Variants in GRIN2B observed in about 807,000 individuals in gnomAD.
GRIN2B encodes the protein glutamate ionotropic receptor NMDA type subunit 2B, also known as glutamate receptor ionotropic, NMDA 2B.
Under a neutral mutation model 114.5 loss-of-function variants are expected in GRIN2B, and 5 were observed. The observed-to-expected ratio is 0.04, with a 90% CI of 0.02 to 0.09. The LOEUF is 0.09. Among genes scored for constraint, GRIN2B ranks in the 10% least tolerant of loss-of-function variants. The pLI is 1.00. For missense variants in GRIN2B, 1,108 were observed against 1,943.5 expected, an observed-to-expected ratio of 0.57 and a Z score of 8.08; for synonymous variants, 787 against 745.1, an observed-to-expected ratio of 1.06 and a Z score of -0.92.
chr12:13,622,637 T>G (rs996600102), intron 5 of GRIN2B, among the ~76,000 whole-genome samples: 1 of 152,092 alleles, frequency 6.6e-6, no homozygotes, highest in African/African-American at 2.4e-5. Context: ...CCCTCACACT[T>G]CTAGAGGCTG....
intron 4 of GRIN2B, among the ~76,000 whole-genome samples, chr12:13,713,857 G>T (rs932176739): frequency 8.6e-5 from 13 of 151,942 alleles, no homozygotes; most frequent in Admixed American, 5.9e-4. Context: ...TGCCTGGCTG[G>T]AGAACAATGC....
intron 3 of GRIN2B, among the ~76,000 whole-genome samples, chr12:13,808,608 G>A (rs377277935): frequency 2.0e-5 from 3 of 151,750 alleles, no homozygotes; most frequent in African/African-American, 4.8e-5. Flanking sequence ...GTGGGGGAAG[G>A]GGGGAGGGAT....
chr12:13,894,041 A>G (rs1866312000), intron 2 of GRIN2B, among the ~76,000 whole-genome samples: 1 of 152,110 alleles, frequency 6.6e-6, no homozygotes, highest in African/African-American at 2.4e-5. Context: ...TACCTACCAA[A>G]TCATAAAGAT....
At chr12:13,890,220 A>G (rs1441877941) in intron 2 of GRIN2B, among the ~76,000 whole-genome samples, 1 of 152,164 alleles carries the variant, frequency 6.6e-6, no homozygotes, top group Non-Finnish European at 1.5e-5. Flanking sequence ...GCCACTCCTT[A>G]CAAAATCACT....
At chr12:13,911,375 CTGGAGAA>C (rs1177079604) in intron 2 of GRIN2B, among the ~76,000 whole-genome samples, 1 of 152,088 alleles carries the variant, frequency 6.6e-6, no homozygotes, top group Non-Finnish European at 1.5e-5. Flanking sequence ...ATGTGGAGGT[CTGGAGAA>C]GTAAGCAACA....
At chr12:13,976,228 T>C (rs1385697229) in intron 2 of GRIN2B, among the ~76,000 whole-genome samples, 9 of 152,228 alleles carry the variant, frequency 5.9e-5, no homozygotes, top group African/African-American at 2.2e-4. Context: ...CTTCCTCTTG[T>C]GGTTGCAAAG....
intron 5 of GRIN2B, among the ~76,000 whole-genome samples, chr12:13,637,825 CTGTCTACTT>C (rs1260091188): frequency 1.3e-5 from 2 of 152,114 alleles, no homozygotes; most frequent in African/African-American, 2.4e-5. Flanking sequence ...TCTCCCTTTA[CTGTCTACTT>C]TGTGTACCAT....
chr12:13,764,606 G>GA (rs1343739180), intron 3 of GRIN2B, among the ~76,000 whole-genome samples: 2 of 152,122 alleles, frequency 1.3e-5, no homozygotes, highest in Non-Finnish European at 2.9e-5. Flanking sequence ...ATGGAAATAA[G>GA]AAAAAATCTT....
chr12:13,596,227 CA>C (rs1369629911), intron 10 of GRIN2B, among the ~76,000 whole-genome samples: 1 of 152,068 alleles, frequency 6.6e-6, no homozygotes, highest in Non-Finnish European at 1.5e-5. Context: ...GTACCCAGTC[CA>C]AAAAAGGTGG....
chr12:13,859,258 C>A (rs1865713929), intron 3 of GRIN2B, among the ~76,000 whole-genome samples: 1 of 152,176 alleles, frequency 6.6e-6, no homozygotes, highest in African/African-American at 2.4e-5. Flanking sequence ...CTTTTAGACA[C>A]CATCACGTCC....
intron 4 of GRIN2B, among the ~76,000 whole-genome samples, chr12:13,696,861 G>A (rs533205910): frequency 8.5e-5 from 13 of 152,244 alleles, no homozygotes; most frequent in African/African-American, 2.9e-4. Context: ...TAGGCAAAGG[G>A]TTCAAAATTC....
intron 5 of GRIN2B, among the ~76,000 whole-genome samples, chr12:13,653,435 T>C (rs1308846181): frequency 6.6e-6 from 1 of 152,034 alleles, no homozygotes; most frequent in Admixed American, 6.6e-5. Context: ...TCATGAAGTC[T>C]GTGTAGATGG....
intron 2 of GRIN2B, among the ~76,000 whole-genome samples, chr12:13,952,670 G>A (rs1867509822): frequency 6.6e-6 from 1 of 152,072 alleles, no homozygotes; most frequent in Admixed American, 6.6e-5. Context: ...TTCTGGCCAT[G>A]TATTTAAGGT....
chr12:13,728,453 T>C (rs1279289692), intron 4 of GRIN2B, among the ~76,000 whole-genome samples: 2 of 152,164 alleles, frequency 1.3e-5, no homozygotes, highest in Non-Finnish European at 2.9e-5. Flanking sequence ...CTTATATATG[T>C]TTTAAAAATA....
intron 10 of GRIN2B, among the ~76,000 whole-genome samples, chr12:13,600,320 G>C (rs544272704): frequency 6.6e-6 from 1 of 152,194 alleles, no homozygotes; most frequent in East Asian, 1.9e-4. Context: ...AGCAGAATGA[G>C]ACAAAGCCAA....
chr12:13,647,437 T>G (rs756786761), intron 5 of GRIN2B, among the ~76,000 whole-genome samples: 1 of 152,126 alleles, frequency 6.6e-6, no homozygotes, highest in Non-Finnish European at 1.5e-5. Flanking sequence ...CCATGTTGCT[T>G]TTCCACAATT....
chr12:13,572,659 A>G (rs569936823), intron 10 of GRIN2B, among the ~76,000 whole-genome samples: 1 of 152,188 alleles, frequency 6.6e-6, no homozygotes, highest in Non-Finnish European at 1.5e-5. Context: ...CTATGACATC[A>G]GCTTTATTTC....
intron 3 of GRIN2B, among the ~76,000 whole-genome samples, chr12:13,827,007 T>G (rs990162791): frequency 6.7e-6 from 1 of 150,196 alleles, no homozygotes; most frequent in Non-Finnish European, 1.5e-5. Flanking sequence ...AGGTGTAGAG[T>G]TCTTTGTTGA....
At chr12:13,731,697 T>C (rs1863088713) in intron 4 of GRIN2B, among the ~76,000 whole-genome samples, 2 of 152,128 alleles carry the variant, frequency 1.3e-5, no homozygotes, top group Admixed American at 6.5e-5. Flanking sequence ...CATTACTGGA[T>C]CCTAAAGAAG....
Sources: allele counts gnomAD v4.1 joint callset (sites outside exome capture counted in the v4.1 genomes callset), GRCh38; gene constraint gnomAD v4.1.1; transcripts MANE v1.5; gene names NCBI Gene and HGNC (gene_info 2026-07-23, HGNC 2026-07-21).